ENOX2: variants seen among roughly 807,000 people sequenced by gnomAD.
The protein encoded by ENOX2 is ecto-NOX disulfide-thiol exchanger 2, also known as APK1 antigen.
Under a neutral mutation model 45.0 loss-of-function variants are expected in ENOX2, and 36 were observed. That is an observed-to-expected ratio of 0.80 (90% CI 0.61 to 1.06). The LOEUF (loss-of-function observed/expected upper bound fraction) is 1.06. Ranked by LOEUF, ENOX2 falls within the 50% of genes least tolerant of loss-of-function variation. The pLI, the probability that ENOX2 is intolerant of heterozygous loss-of-function variation, is 0.00. For missense variants in ENOX2, 423 were observed against 462.5 expected (o/e 0.91, Z 0.78); for synonymous variants, 174 against 152.3 (o/e 1.14, Z -1.05).
intron 3 of ENOX2, among the ~76,000 whole-genome samples, chrX:130,746,159 G>A (rs190533661): frequency 8.9e-6 from 1 of 112,231 alleles, no homozygotes. Context: ...TGAGAAAGGT[G>A]AGTGCATTTC....
At chrX:130,678,676 C>T (rs1023228788) in intron 6 of ENOX2, among the ~76,000 whole-genome samples, 9 of 110,345 alleles carry the variant, frequency 8.2e-5, no homozygotes, top group Admixed American at 7.8e-4. Flanking sequence ...GTACCTTAAC[C>T]TTTTTTATCT....
chrX:130,875,918 A>G lies in ENOX2; in HGVS notation c.-183+25766T>C, dbSNP rs367934965. On this transcript the variant is annotated intron_variant, in intron 2 of 14. Coordinates refer to ENST00000394363, the MANE Select transcript of ENOX2 (RefSeq NM_006375.4). ...CACAATAAGACACCACTTCACACCT[A>G]TTAGTATAAAATAAAAAGAAAGGCA... Among the ~76,000 whole-genome samples, 24 of 112,397 alleles carry G rather than the reference A, an allele frequency of 2.1e-4. No individual in the cohort carries two copies. In the South Asian group the frequency reaches 8.5e-3, roughly 40 times the overall value.
At chrX:130,769,973 T>C (rs1018784171) in intron 3 of ENOX2, among the ~76,000 whole-genome samples, 14 of 112,278 alleles carry the variant, frequency 1.2e-4, no homozygotes, top group African/African-American at 4.2e-4. Context: ...TTTCCCTTTA[T>C]AGACATGAGA....
chrX:130,876,208 T>A (rs1263303292), intron 2 of ENOX2, among the ~76,000 whole-genome samples: 1 of 111,955 alleles, frequency 8.9e-6, no homozygotes, highest in East Asian at 2.8e-4. Flanking sequence ...ATAACCCAAA[T>A]GATGACTAGA....
intron 3 of ENOX2, among the ~76,000 whole-genome samples, chrX:130,734,347 G>A (rs935220019): frequency 8.9e-5 from 10 of 111,893 alleles, no homozygotes; most frequent in African/African-American, 2.3e-4. Flanking sequence ...AAGCCTCCTC[G>A]GAAGTAATTT....
At chrX:130,865,281 A>G (rs1429880986) in intron 2 of ENOX2, among the ~76,000 whole-genome samples, 2 of 111,379 alleles carry the variant, frequency 1.8e-5, no homozygotes, top group Non-Finnish European at 3.8e-5. Flanking sequence ...TAAAGACTAG[A>G]AGGTAAGGCT....
At chrX:130,706,119 T>G (rs1469924455) in intron 3 of ENOX2, among the ~76,000 whole-genome samples, 2 of 112,318 alleles carry the variant, frequency 1.8e-5, no homozygotes, top group African/African-American at 6.5e-5. Flanking sequence ...ATTCTCTCAC[T>G]CATTCCTTGC....
intron 6 of ENOX2, among the ~76,000 whole-genome samples, chrX:130,675,588 G>A (rs763314501): frequency 5.7e-4 from 64 of 112,203 alleles, no homozygotes; most frequent in African/African-American, 2.0e-3. Context: ...CAAGCATAGG[G>A]AAAATGACAC....
chrX:130,677,944 G>A (rs1237173994), intron 6 of ENOX2, among the ~76,000 whole-genome samples: 5 of 109,072 alleles, frequency 4.6e-5, no homozygotes, highest in African/African-American at 6.7e-5. Context: ...AAAATTAGCC[G>A]GGCGTGGTGG....
At chrX:130,710,864 G>A (rs984199536) in intron 3 of ENOX2, among the ~76,000 whole-genome samples, 1 of 111,925 alleles carries the variant, frequency 8.9e-6, no homozygotes, top group Non-Finnish European at 1.9e-5. Flanking sequence ...GATCCTTGTT[G>A]TGGGAAGTCC....
intron 2 of ENOX2, among the ~76,000 whole-genome samples, chrX:130,864,961 G>A (rs1050285573): frequency 9.0e-6 from 1 of 110,519 alleles, no homozygotes; most frequent in Admixed American, 9.6e-5. Context: ...GCAATGAGCC[G>A]AGATCATGCC....
chrX:130,696,541 A>G (rs930411363), intron 4 of ENOX2, among the ~76,000 whole-genome samples: 4 of 112,556 alleles, frequency 3.6e-5, no homozygotes, highest in Non-Finnish European at 7.5e-5. Flanking sequence ...TAGGAAGTCT[A>G]TCACCTCAGA....
In ENOX2 at chrX:130,628,172, G is replaced by A. The variant is rs765578843; in HGVS notation, c.1529-129C>T. 1.5e-4 allele frequency: 74 copies of A among 485,662 alleles called. 1 individual carries two copies. The South Asian group carries it at 2.4e-3, about 16-fold the overall frequency. 40.0% of individuals were successfully genotyped at this position (485,662 alleles called of 1,213,427 possible). A position where few individuals can be genotyped will look rare whatever the true frequency, so the allele number is the denominator to read the frequency against. On this transcript the variant is annotated intron_variant, in intron 13 of 14. Coordinates refer to ENST00000394363, the MANE Select transcript of ENOX2 (RefSeq NM_006375.4). ...ACTGGACACTATTCTAAGTTTACAC[G>A]TATTTTACTCATTTAATCTTTATAA...
At chrX:130,667,772 A>C in intron 7 of ENOX2, 30 bp from the exon 8 acceptor site, 1 of 1,085,490 alleles carries the variant, frequency 9.2e-7, no homozygotes, top group Non-Finnish European at 1.3e-6. Flanking sequence ...ATAACCAACA[A>C]AGGTAACCAA....
At chrX:130,675,915 AATT>A (rs1445526506) in intron 6 of ENOX2, among the ~76,000 whole-genome samples, 6 of 112,390 alleles carry the variant, frequency 5.3e-5, no homozygotes. Flanking sequence ...ACTAAAATTA[AATT>A]ATTATAGCTA....
chrX:130,718,614 TTCTA>T (rs1174808442), intron 3 of ENOX2, among the ~76,000 whole-genome samples: 1 of 112,370 alleles, frequency 8.9e-6, no homozygotes, highest in Non-Finnish European at 1.9e-5. Flanking sequence ...ATGACATCAG[TTCTA>T]TTAAAGTCAA....
intron 2 of ENOX2, among the ~76,000 whole-genome samples, chrX:130,861,684 G>A (rs1275624786): frequency 9.0e-6 from 1 of 111,673 alleles, no homozygotes; most frequent in Non-Finnish European, 1.9e-5. Flanking sequence ...CGCACCAGAT[G>A]AGTAAGGCCT....
At chrX:130,818,489 C>T (rs780272105) in intron 2 of ENOX2, among the ~76,000 whole-genome samples, 31 of 111,937 alleles carry the variant, frequency 2.8e-4, no homozygotes, top group African/African-American at 1.0e-3. Context: ...CGCTACCTGA[C>T]TTCAAACTAT....
At chrX:130,746,487 C>G (rs1325109886) in intron 3 of ENOX2, among the ~76,000 whole-genome samples, 2 of 111,804 alleles carry the variant, frequency 1.8e-5, no homozygotes, top group Admixed American at 1.9e-4. Flanking sequence ...AGTAAGATAA[C>G]AGCTGCAAAT....
Sources: allele counts gnomAD v4.1 joint callset (sites outside exome capture counted in the v4.1 genomes callset), GRCh38; gene constraint gnomAD v4.1.1; transcripts MANE v1.5; gene names NCBI Gene and HGNC (gene_info 2026-07-23, HGNC 2026-07-21).